The following USP13 variants were observed in gnomAD, a reference collection of about 807,000 sequenced individuals.
USP13 encodes the protein ubiquitin specific peptidase 13.
Under a neutral mutation model 107.8 loss-of-function variants are expected in USP13, and 68 were observed. The ratio of observed to expected loss-of-function variants is 0.63; its 90% CI spans 0.52 to 0.77. USP13 has a LOEUF of 0.77. USP13 is among the 30% of genes least tolerant of loss of function. The probability of loss-of-function intolerance (pLI) is 0.00; values close to 1 mark genes in which losing one functional copy is unlikely to be tolerated. For synonymous variants in USP13, 377 were observed against 389.5 expected (o/e 0.97, Z 0.38); for missense variants, 945 against 1,093.3 (o/e 0.86, Z 1.91).
chr3:179,747,270 A>G (rs772629190), intron 13 of USP13, among the ~76,000 whole-genome samples: 8 of 152,202 alleles, frequency 5.3e-5, no homozygotes, highest in Non-Finnish European at 1.2e-4. Flanking sequence ...TACACACTCT[A>G]TTAGTGATGG....
chr3:179,659,899 G>A (rs188886203), intron 1 of USP13, among the ~76,000 whole-genome samples: 17 of 152,116 alleles, frequency 1.1e-4, no homozygotes, highest in Non-Finnish European at 1.9e-4. Context: ...AAAATTAGCC[G>A]GGCTGGGTAG....
chr3:179,688,189 T>TC (rs1711959190), intron 2 of USP13, among the ~76,000 whole-genome samples: 2 of 42,556 alleles, frequency 4.7e-5, no homozygotes, highest in South Asian at 7.9e-4. Context: ...ATCCATCCAT[T>TC]CATCAATCCA....
intron 18 of USP13, among the ~76,000 whole-genome samples, chr3:179,764,442 G>T (rs1212994695): frequency 1.3e-5 from 2 of 152,112 alleles, no homozygotes; most frequent in Non-Finnish European, 2.9e-5. Flanking sequence ...TTGTTAACAG[G>T]GGGTCAGAAA....
intron 16 of USP13, among the ~76,000 whole-genome samples, chr3:179,759,022 C>A (rs1358613744): frequency 2.0e-5 from 3 of 152,070 alleles, no homozygotes; most frequent in African/African-American, 7.2e-5. Context: ...CACTCTGTCA[C>A]CCAGGCTGGA....
At chr3:179,654,080 G>T (rs1720177004) in intron 1 of USP13, among the ~76,000 whole-genome samples, 1 of 152,068 alleles carries the variant, frequency 6.6e-6, no homozygotes, top group Non-Finnish European at 1.5e-5. Flanking sequence ...CGGGCGCGGT[G>T]GCGGGAGCCT....
At position 179,754,728 on chromosome 3, in the gene USP13, G is replaced by A. The variant is rs74710569; in HGVS notation, c.1799-4G>A. On this transcript the variant is annotated splice_polypyrimidine_tract_variant and splice_region_variant and intron_variant, in intron 14 of 20. Transcript: ENST00000263966. ...CAGTGGATATAATCTCTCTCATTTTGCAGATGTTTCTATTGATATGCCAGA... is the reference window on the plus strand; with the variant it reads ...CAGTGGATATAATCTCTCTCATTTTACAGATGTTTCTATTGATATGCCAGA... 2 of 1,611,178 alleles carry A rather than the reference G, an allele frequency of 1.2e-6. No individual in the cohort carries two copies. Among genetic ancestry groups the A allele is most frequent in the Non-Finnish European group, 1.7e-6 (2 of 1,178,884 alleles).
chr3:179,706,977 A>C lies in USP13; in HGVS notation c.521A>C (p.Tyr174Ser). Residue 174 changes from tyrosine (Y) to serine (S), a missense_variant, in exon 5 of 21, where the codon TAC (tyrosine) becomes TCC (serine). Coordinates refer to ENST00000263966, the MANE Select transcript of USP13 (RefSeq NM_003940.3). ...CDAVLSSKSP[Y>S]RKQDPDTWEN... ...GCAGTTCTCAGCTCAAAATCTCCATACAGAAAGCAGGACCCAGACACGTGG... is the reference window on the plus strand; with the variant it reads ...GCAGTTCTCAGCTCAAAATCTCCATCCAGAAAGCAGGACCCAGACACGTGG... The C allele has an allele frequency of 6.2e-7, 1 of 1,614,114 alleles. No homozygotes were observed. The highest frequency in any genetic ancestry group is 8.5e-7 in the Non-Finnish European group (1 of 1,180,016).
intron 8 of USP13, among the ~76,000 whole-genome samples, chr3:179,727,630 A>G (rs1341397658): frequency 7.8e-5 from 7 of 89,232 alleles, no homozygotes; most frequent in African/African-American, 2.6e-4. Context: ...CCCCCTTTCT[A>G]TTCCACAAAA....
At chr3:179,728,138 T>C (rs1243234072) in intron 8 of USP13, among the ~76,000 whole-genome samples, 3 of 101,234 alleles carry the variant, frequency 3.0e-5, no homozygotes, top group Non-Finnish European at 6.3e-5. Context: ...CACTTCCCAG[T>C]AGGGGCGGCC....
At chr3:179,761,059 C>G in intron 16 of USP13, 53 bp from the exon 17 acceptor site, 1 of 1,608,428 alleles carries the variant, frequency 6.2e-7, no homozygotes, top group Non-Finnish European at 8.5e-7. Context: ...GTAGCTAAGA[C>G]AAGAAGCGAC....
chr3:179,776,542 G>A (rs1715545342), intron 19 of USP13, among the ~76,000 whole-genome samples: 1 of 152,088 alleles, frequency 6.6e-6, no homozygotes, highest in Non-Finnish European at 1.5e-5. Flanking sequence ...AGATTTTCCT[G>A]GAGTTCAAAA....
chr3:179,732,159 C>T (rs1024843011), intron 10 of USP13, among the ~76,000 whole-genome samples: 1 of 152,112 alleles, frequency 6.6e-6, no homozygotes, highest in Admixed American at 6.6e-5. Context: ...TGCATTGTTA[C>T]CCAGCATTGT....
At chr3:179,751,477 A>G (rs1714609630) in intron 13 of USP13, among the ~76,000 whole-genome samples, 1 of 152,050 alleles carries the variant, frequency 6.6e-6, no homozygotes, top group Admixed American at 6.6e-5. Context: ...TCGTCCGCCA[A>G]CTCTGCGCTA....
chr3:179,727,004 T>G (rs1371749224), intron 8 of USP13, among the ~76,000 whole-genome samples: 1 of 151,912 alleles, frequency 6.6e-6, no homozygotes, highest in African/African-American at 2.4e-5. Flanking sequence ...CATCCCAATT[T>G]CTCACCTCTC....
chr3:179,765,063 C>A (rs1246198369), intron 18 of USP13, among the ~76,000 whole-genome samples: 2 of 152,146 alleles, frequency 1.3e-5, no homozygotes, highest in East Asian at 3.9e-4. Flanking sequence ...CTTTAACCTG[C>A]CAGAAATATC....
chr3:179,697,286 G>A lies in USP13; in HGVS notation c.356-3722G>A, dbSNP rs1014025940. Among the ~76,000 whole-genome samples the A allele has an allele frequency of 2.1e-4, 32 of 152,348 alleles. 2 individuals carry two copies. Among genetic ancestry groups the A allele is most frequent in the African/African-American group, 7.5e-4 (31 of 41,586 alleles). ...CTACATTTTGCTATTTCTTTCTGAA[G>A]TGGGTAAAATAATATGTTCTTTTGA... On this transcript the variant is annotated intron_variant, in intron 3 of 20. Coordinates refer to ENST00000263966, the MANE Select transcript of USP13 (RefSeq NM_003940.3).
intron 2 of USP13, among the ~76,000 whole-genome samples, chr3:179,689,626 C>A (rs79975000): frequency 0.19 from 29,380 of 151,392 alleles, 2,934 homozygotes; most frequent in East Asian, 0.23. Flanking sequence ...CCACTGCACT[C>A]CAGCCTGGGC....
chr3:179,747,167 T>G (rs1714440529), intron 13 of USP13, among the ~76,000 whole-genome samples: 2 of 152,160 alleles, frequency 1.3e-5, no homozygotes, highest in Non-Finnish European at 2.9e-5. Context: ...TGTGCCTGTT[T>G]GTGTCCTTGC....
intron 2 of USP13, among the ~76,000 whole-genome samples, chr3:179,684,613 G>T (rs1356870081): frequency 6.6e-6 from 1 of 152,164 alleles, no homozygotes; most frequent in South Asian, 2.1e-4. Flanking sequence ...GAGAGCCACT[G>T]TGCCTGGCTA....
Sources: allele counts gnomAD v4.1 joint callset (sites outside exome capture counted in the v4.1 genomes callset), GRCh38; gene constraint gnomAD v4.1.1; transcripts MANE v1.5; gene names NCBI Gene and HGNC (gene_info 2026-07-23, HGNC 2026-07-21).